Variants in TUSC3 observed in about 807,000 individuals in gnomAD.
The protein encoded by TUSC3 is tumor suppressor candidate 3.
Under a neutral mutation model 44.8 loss-of-function variants are expected in TUSC3, and 45 were observed. That is an observed-to-expected ratio of 1.00 (90% CI 0.79 to 1.29). The LOEUF is 1.29. Ranked by LOEUF, TUSC3 falls within the 50% of genes most tolerant of loss-of-function variation. The pLI, the probability that TUSC3 is intolerant of heterozygous loss-of-function variation, is 0.00. For missense variants in TUSC3, 519 were observed against 437.9 expected, an observed-to-expected ratio of 1.19 and a Z score of -1.65; for synonymous variants, 212 against 152.9, an observed-to-expected ratio of 1.39 and a Z score of -2.85.
chr8:15,796,523 T>A, the TUSC3 span, among the ~76,000 whole-genome samples: 1 of 152,184 alleles, frequency 6.6e-6, no homozygotes, highest in Non-Finnish European at 1.5e-5. Flanking sequence ...GAGAACCACA[T>A]TCATTTTCTG....
intron 1 of TUSC3, among the ~76,000 whole-genome samples, chr8:15,430,531 G>A (rs1223799308): frequency 6.6e-6 from 1 of 150,626 alleles, no homozygotes; most frequent in Admixed American, 6.6e-5. Context: ...CGTACTGAAT[G>A]GGCAAAAACT....
intron 2 of TUSC3, among the ~76,000 whole-genome samples, chr8:15,644,434 T>G (rs1806532852): frequency 6.6e-6 from 1 of 152,252 alleles, no homozygotes. Flanking sequence ...AGTTAAGTGC[T>G]TGGAGTATTT....
intron 8 of TUSC3, among the ~76,000 whole-genome samples, chr8:15,747,602 G>A (rs1585298072): frequency 6.6e-6 from 1 of 151,978 alleles, no homozygotes; most frequent in South Asian, 2.1e-4. Context: ...ATTTTATTAT[G>A]CATCTGCTTT....
At chr8:15,840,550 A>T in the TUSC3 span, among the ~76,000 whole-genome samples, 1 of 152,202 alleles carries the variant, frequency 6.6e-6, no homozygotes, top group East Asian at 1.9e-4. Flanking sequence ...GTGAAAGAAT[A>T]AGATGCTATT....
At chr8:15,682,276 T>C (rs970525306) in intron 6 of TUSC3, among the ~76,000 whole-genome samples, 5 of 152,328 alleles carry the variant, frequency 3.3e-5, no homozygotes, top group South Asian at 2.1e-4. Flanking sequence ...CCCACTATTA[T>C]TGTGTGCCTG....
At chr8:15,431,984 C>A (rs918726497) in intron 1 of TUSC3, among the ~76,000 whole-genome samples, 3 of 151,384 alleles carry the variant, frequency 2.0e-5, no homozygotes, top group South Asian at 2.1e-4. Context: ...TTAATTGTGG[C>A]GTGTGATTCT....
At chr8:15,560,262 A>C (rs2129139671) in intron 1 of TUSC3, among the ~76,000 whole-genome samples, 1 of 145,678 alleles carries the variant, frequency 6.9e-6, no homozygotes, top group Admixed American at 6.8e-5. Context: ...TTCACTTATG[A>C]AGCTTAGTTT....
At chr8:15,814,653 T>C in the TUSC3 span, among the ~76,000 whole-genome samples, 1 of 152,216 alleles carries the variant, frequency 6.6e-6, no homozygotes, top group Non-Finnish European at 1.5e-5. Flanking sequence ...TAGTCTTTTA[T>C]ATTTGTTTCT....
chr8:15,443,887 C>T (rs906721697), intron 1 of TUSC3, among the ~76,000 whole-genome samples: 2 of 152,068 alleles, frequency 1.3e-5, no homozygotes, highest in Non-Finnish European at 2.9e-5. Flanking sequence ...GTGGCCCCCA[C>T]CCGGGAACTG....
chr8:15,543,824 C>G (rs1017451586), intron 1 of TUSC3, among the ~76,000 whole-genome samples: 13 of 149,938 alleles, frequency 8.7e-5, no homozygotes, highest in African/African-American at 3.2e-4. Context: ...CATGAAACAC[C>G]GAGAATTCCA....
the TUSC3 span, among the ~76,000 whole-genome samples, chr8:15,843,260 C>A: frequency 5.9e-5 from 9 of 152,048 alleles, no homozygotes; most frequent in African/African-American, 2.2e-4. Flanking sequence ...GTGATCTGTA[C>A]AACAGTATTC....
chr8:15,761,461 C>G (rs1812165928), intron 10 of TUSC3, among the ~76,000 whole-genome samples: 1 of 152,204 alleles, frequency 6.6e-6, no homozygotes, highest in Non-Finnish European at 1.5e-5. Flanking sequence ...TCCTAGCCTT[C>G]TATCTATCTT....
chr8:15,844,350 G>A, the TUSC3 span, among the ~76,000 whole-genome samples: 1 of 152,070 alleles, frequency 6.6e-6, no homozygotes, highest in African/African-American at 2.4e-5. Flanking sequence ...TGCTTTCAAA[G>A]TATCAAAGGA....
At chr8:15,774,467 C>G in the TUSC3 span, among the ~76,000 whole-genome samples, 1 of 152,132 alleles carries the variant, frequency 6.6e-6, no homozygotes, top group Non-Finnish European at 1.5e-5. Flanking sequence ...CCAGCAAGTG[C>G]CACAGATTGC....
chr8:15,507,008 T>C (rs867430524), intron 2 of TUSC3, among the ~76,000 whole-genome samples: 15 of 152,198 alleles, frequency 9.9e-5, no homozygotes, highest in African/African-American at 3.1e-4. Flanking sequence ...AACATGAAAA[T>C]GGACAATTTC....
chr8:15,480,618 C>G (rs926379452), intron 1 of TUSC3, among the ~76,000 whole-genome samples: 2 of 152,090 alleles, frequency 1.3e-5, no homozygotes, highest in African/African-American at 4.8e-5. Context: ...AATAAAATTT[C>G]TACTTGAGGC....
intron 2 of TUSC3, among the ~76,000 whole-genome samples, chr8:15,529,510 T>C (rs1202262517): frequency 2.0e-5 from 3 of 152,196 alleles, no homozygotes. Context: ...AAATGTATCG[T>C]AATATACAAA....
chr8:15,561,908 A>C (rs984385077), intron 1 of TUSC3, among the ~76,000 whole-genome samples: 15 of 151,972 alleles, frequency 9.9e-5, no homozygotes, highest in Non-Finnish European at 1.5e-5. Flanking sequence ...ACTGTCTGGC[A>C]CTCCCTAGTG....
chr8:15,648,288 A>G (rs923256780), intron 2 of TUSC3, among the ~76,000 whole-genome samples: 2 of 152,018 alleles, frequency 1.3e-5, no homozygotes, highest in Non-Finnish European at 2.9e-5. Flanking sequence ...TTCCTTTTTT[A>G]TATGATATTG....
Sources: gnomAD v4.1 joint callset for allele counts (sites outside exome capture counted in the v4.1 genomes callset) on GRCh38, gnomAD v4.1.1 for gene constraint, MANE v1.5 for transcripts, NCBI Gene and HGNC (gene_info 2026-07-23, HGNC 2026-07-21) for gene names.